The following LINGO2 variants were observed in gnomAD, a reference collection of about 807,000 sequenced individuals.
LINGO2 encodes the protein leucine-rich repeat and immunoglobulin-like domain-containing nogo receptor-interacting protein 2.
In LINGO2, 14 loss-of-function variants were observed where a neutral mutation model predicts 30.6. That is an observed-to-expected ratio of 0.46 (90% CI 0.30 to 0.72). The LOEUF is 0.72. LINGO2 is among the 30% of genes least tolerant of loss of function. The pLI, the probability that LINGO2 is intolerant of heterozygous loss-of-function variation, is 0.07. For synonymous variants in LINGO2, 317 were observed against 288.5 expected (o/e 1.10, Z -1.00); for missense variants, 729 against 751.7 (o/e 0.97, Z 0.35).
At chr9:28,670,092 A>T (rs1440623470) in intron 1 of LINGO2, 108 bp downstream of exon 3, 1 of 152,092 alleles carries the variant, frequency 6.6e-6, no homozygotes, top group East Asian at 1.9e-4. Flanking sequence ...TAAATATATG[A>T]TTAAATAAAA....
chr9:28,388,576 A>G (rs1821694902), intron 2 of LINGO2, among the ~76,000 whole-genome samples: 3 of 152,294 alleles, frequency 2.0e-5, no homozygotes, highest in Middle Eastern at 3.4e-3. Context: ...AAAACTTCAT[A>G]TTACATGACT....
At chr9:28,919,021 A>T in the LINGO2 span, among the ~76,000 whole-genome samples, 57 of 152,308 alleles carry the variant, frequency 3.7e-4, no homozygotes, top group Non-Finnish European at 8.8e-5. Flanking sequence ...CTTCAGCTTC[A>T]ATCCGTGAAA....
At chr9:28,170,313 C>G (rs890417911) in intron 4 of LINGO2, among the ~76,000 whole-genome samples, 1 of 152,094 alleles carries the variant, frequency 6.6e-6, no homozygotes, top group African/African-American at 2.4e-5. Context: ...AAAAAGTTCA[C>G]AAGGTAGTTA....
At chr9:28,837,928 A>C in the LINGO2 span, among the ~76,000 whole-genome samples, 1 of 151,932 alleles carries the variant, frequency 6.6e-6, no homozygotes, top group Admixed American at 6.6e-5. Context: ...TGCTATTAGA[A>C]GTCCCTTAAA....
At chr9:28,071,013 C>A (rs1825459310) in intron 4 of LINGO2, among the ~76,000 whole-genome samples, 1 of 152,162 alleles carries the variant, frequency 6.6e-6, no homozygotes, top group Non-Finnish European at 1.5e-5. Flanking sequence ...CCATGCCTGG[C>A]CCCAGTACTA....
At chr9:28,971,156 A>G in the LINGO2 span, among the ~76,000 whole-genome samples, 1 of 152,168 alleles carries the variant, frequency 6.6e-6, no homozygotes, top group Non-Finnish European at 1.5e-5. Flanking sequence ...CACTGCCTTA[A>G]AGGGAAAAAA....
chr9:28,003,741 C>A (rs953904741), intron 5 of LINGO2, among the ~76,000 whole-genome samples: 1 of 152,120 alleles, frequency 6.6e-6, no homozygotes, highest in African/African-American at 2.4e-5. Context: ...GTTTTTGTAA[C>A]TAGAAATATG....
the LINGO2 span, among the ~76,000 whole-genome samples, chr9:28,731,627 G>A: frequency 2.0e-5 from 3 of 152,114 alleles, no homozygotes; most frequent in Non-Finnish European, 2.9e-5. Flanking sequence ...GGACATTAAG[G>A]AATACCTGGG....
the LINGO2 span, among the ~76,000 whole-genome samples, chr9:28,993,796 G>C: frequency 6.6e-6 from 1 of 151,800 alleles, no homozygotes; most frequent in Non-Finnish European, 1.5e-5. Context: ...ATGCAAAAAA[G>C]GCCTTGGAGA....
At chr9:28,672,954 T>C (rs1014250315), upstream of LINGO2, among the ~76,000 whole-genome samples, 1 of 152,056 alleles carries the variant, frequency 6.6e-6, no homozygotes, top group Admixed American at 6.6e-5. Context: ...AAGTAAAGAG[T>C]ATGAATGCAA....
the LINGO2 span, among the ~76,000 whole-genome samples, chr9:29,021,899 T>G: frequency 6.6e-6 from 1 of 152,206 alleles, no homozygotes. Context: ...TTAAATAGAT[T>G]AACATAATAC....
At chr9:28,041,411 A>G (rs1407573329) in intron 4 of LINGO2, among the ~76,000 whole-genome samples, 1 of 152,168 alleles carries the variant, frequency 6.6e-6, no homozygotes, top group African/African-American at 2.4e-5. Flanking sequence ...GCTTCTGTGT[A>G]TAAAACCTGC....
the LINGO2 span, among the ~76,000 whole-genome samples, chr9:28,925,724 G>A: frequency 3.9e-5 from 6 of 152,258 alleles, no homozygotes; most frequent in Admixed American, 2.6e-4. Flanking sequence ...AACTGATGGT[G>A]GTTTTGGTAA....
chr9:28,258,929 A>AG (rs1195281468), intron 4 of LINGO2, among the ~76,000 whole-genome samples: 1 of 151,792 alleles, frequency 6.6e-6, no homozygotes, highest in Non-Finnish European at 1.5e-5. Flanking sequence ...GTCAAAAAAA[A>AG]AAACATTAAG....
At chr9:28,805,538 A>C in the LINGO2 span, among the ~76,000 whole-genome samples, 3 of 152,178 alleles carry the variant, frequency 2.0e-5, no homozygotes, top group Non-Finnish European at 4.4e-5. Context: ...ATATTGGCCA[A>C]TTTGCAACAT....
chr9:28,879,519 T>C, the LINGO2 span, among the ~76,000 whole-genome samples: 1 of 152,214 alleles, frequency 6.6e-6, no homozygotes, highest in Non-Finnish European at 1.5e-5. Context: ...AGATTCTACA[T>C]GTTTCTTCCA....
At chr9:28,249,840 A>G (rs1822131905) in intron 4 of LINGO2, among the ~76,000 whole-genome samples, 2 of 152,210 alleles carry the variant, frequency 1.3e-5, no homozygotes, top group Admixed American at 1.3e-4. Context: ...CTCCATTTAA[A>G]TTCTTCCTTG....
chr9:28,981,434 C>T, the LINGO2 span, among the ~76,000 whole-genome samples: 1 of 152,120 alleles, frequency 6.6e-6, no homozygotes, highest in African/African-American at 2.4e-5. Context: ...TTCCTTAATG[C>T]ACTCATGAAA....
intron 2 of LINGO2, among the ~76,000 whole-genome samples, chr9:28,402,210 G>GA (rs1298237806): frequency 1.6e-4 from 16 of 97,698 alleles, no homozygotes; most frequent in Non-Finnish European, 2.1e-4. Context: ...CACAACTAAA[G>GA]AAAAAACAAT....
Sources: gnomAD v4.1 joint callset for allele counts (sites outside exome capture counted in the v4.1 genomes callset) on GRCh38, gnomAD v4.1.1 for gene constraint, MANE v1.5 for transcripts, NCBI Gene and HGNC (gene_info 2026-07-23, HGNC 2026-07-21) for gene names.